The following CTNNBL1 variants were observed in gnomAD, a reference collection of about 807,000 sequenced individuals.
CTNNBL1 encodes catenin beta like 1.
Under a neutral mutation model 72.7 loss-of-function variants are expected in CTNNBL1, and 31 were observed. That is an observed-to-expected ratio of 0.43 (90% CI 0.32 to 0.58). The LOEUF (loss-of-function observed/expected upper bound fraction) is 0.58. CTNNBL1 is among the 20% of genes least tolerant of loss of function. The pLI is 0.08. For synonymous variants in CTNNBL1, 240 were observed against 267.3 expected (o/e 0.90, Z 1.00); for missense variants, 534 against 725.1 (o/e 0.74, Z 3.03).
chr20:37,753,978 T>G, intron 4 of CTNNBL1, among the ~76,000 whole-genome samples: 1 of 152,208 alleles, frequency 6.6e-6, no homozygotes, highest in Non-Finnish European at 1.5e-5. Context: ...ATAAAGGGGC[T>G]TGCACAAGAT....
In CTNNBL1 at chr20:37,732,924, C is replaced by T; in HGVS notation, c.76C>T (p.Gln26Ter). The T allele has an allele frequency of 6.2e-7, 1 of 1,613,948 alleles. No individual in the cohort carries two copies. The highest frequency in any genetic ancestry group is 2.2e-5 in the East Asian group (1 of 44,882). Residue 26 changes from glutamine to a stop codon, truncating the protein, a stop_gained, in exon 2 of 16, where the codon CAG (glutamine) becomes TAG (stop). Transcript: ENST00000361383. LOFTEE classifies it high-confidence loss of function. ...TCCCCGGGATGATGAAGAGGAGGAG[C>T]AGAAGATGCGTCGGAAACAAACTGG... ...KRPRDDEEEE[Q>*]KMRRKQTGTR...
intron 1 of CTNNBL1, among the ~76,000 whole-genome samples, chr20:37,707,928 GGAGA>G (rs35821167): frequency 1.8e-4 from 27 of 150,640 alleles, no homozygotes; most frequent in African/African-American, 3.9e-4. Context: ...GGAGACCTGA[GGAGA>G]GAGAGAGAGA....
intron 15 of CTNNBL1, among the ~76,000 whole-genome samples, chr20:37,866,067 C>T (rs1025754462): frequency 3.3e-5 from 5 of 152,180 alleles, no homozygotes; most frequent in African/African-American, 9.7e-5. Context: ...GCGTGGCTTG[C>T]GCCTGGTCAT....
In CTNNBL1 at chr20:37,860,325, T is replaced by C; in HGVS notation, c.1584T>C (p.Ile528=). 6.2e-7 allele frequency: 1 copy of C among 1,614,024 alleles called. No individual in the cohort carries two copies. Among genetic ancestry groups the C allele is most frequent in the South Asian group, 1.1e-5 (1 of 91,078 alleles). Reference sequence around the variant, plus strand: ...ACATGCGAGGAAGCTCCATCAAAATTGTCAGGCATATCATCAAGGGTGAGT... The same window carrying C: ...ACATGCGAGGAAGCTCCATCAAAATCGTCAGGCATATCATCAAGGGTGAGT... ...ILNMRGSSIK[I]VRHIIKEYAE... is the part of the protein sequence containing the mutation. The change falls in exon 15 of 16, where the codon ATT becomes ATC. Residue 528 remains isoleucine, a synonymous_variant. Transcript: ENST00000361383.
At chr20:37,782,212 C>T (rs1823866266) in intron 10 of CTNNBL1, among the ~76,000 whole-genome samples, 1 of 152,262 alleles carries the variant, frequency 6.6e-6, no homozygotes. Flanking sequence ...GTGAGGGATG[C>T]ACACATTAAA....
intron 11 of CTNNBL1, among the ~76,000 whole-genome samples, chr20:37,827,613 CAGA>C (rs1201138691): frequency 2.0e-5 from 3 of 152,284 alleles, no homozygotes; most frequent in South Asian, 4.1e-4. Context: ...GGATTCTTTC[CAGA>C]AGATCATTAA....
intron 4 of CTNNBL1, chr20:37,756,421 T>TCC (rs1408249340): frequency 3.3e-5 from 5 of 151,048 alleles, no homozygotes; most frequent in East Asian, 2.0e-4. Context: ...TCTCTCTCTC[T>TCC]CCCCCGTTGT....
At chr20:37,733,222 T>C (rs1216474352) in intron 2 of CTNNBL1, among the ~76,000 whole-genome samples, 155 bp downstream of exon 2, 1 of 152,130 alleles carries the variant, frequency 6.6e-6, no homozygotes, top group East Asian at 1.9e-4. Context: ...TTAAGTGGGC[T>C]AGTGCAGTTG....
intron 10 of CTNNBL1, among the ~76,000 whole-genome samples, chr20:37,797,585 A>G (rs1343539814): frequency 6.6e-6 from 1 of 152,178 alleles, no homozygotes; most frequent in East Asian, 1.9e-4. Context: ...GGCTTCAGAC[A>G]TAAAAGTTCA....
chr20:37,853,143 A>G (rs1293764272), intron 13 of CTNNBL1, among the ~76,000 whole-genome samples: 2 of 152,150 alleles, frequency 1.3e-5, no homozygotes, highest in Non-Finnish European at 2.9e-5. Context: ...CCATGTGCTA[A>G]GGAGGTTGGG....
chr20:37,765,482 A>G (rs190928177), intron 6 of CTNNBL1, among the ~76,000 whole-genome samples, 192 bp downstream of exon 6: 32 of 152,338 alleles, frequency 2.1e-4, no homozygotes, highest in Non-Finnish European at 3.1e-4. Flanking sequence ...TTTGGCTTGT[A>G]GGTAATGAAA....
chr20:37,701,538 A>G (rs1018878750), intron 1 of CTNNBL1, among the ~76,000 whole-genome samples: 1 of 152,214 alleles, frequency 6.6e-6, no homozygotes, highest in Non-Finnish European at 1.5e-5. Flanking sequence ...ACGGTTGGAT[A>G]TGGAAAGGGG....
chr20:37,804,211 C>T (rs530857941), intron 11 of CTNNBL1, among the ~76,000 whole-genome samples: 1 of 152,150 alleles, frequency 6.6e-6, no homozygotes, highest in Non-Finnish European at 1.5e-5. Flanking sequence ...ATATGTTAAC[C>T]CCGTGCTAGA....
chr20:37,704,224 T>A (rs527578416), intron 1 of CTNNBL1, among the ~76,000 whole-genome samples: 2 of 152,198 alleles, frequency 1.3e-5, no homozygotes, highest in Non-Finnish European at 2.9e-5. Flanking sequence ...TACCCCAGAT[T>A]TGAAATCCAA....
chr20:37,842,105 G>A (rs746001395), intron 12 of CTNNBL1: 16 of 439,540 alleles, frequency 3.6e-5, no homozygotes, highest in Admixed American at 1.6e-4. Context: ...GCCTCCTTTC[G>A]GGAATGGGCC....
At chr20:37,700,889 T>C (rs1303017183) in intron 1 of CTNNBL1, among the ~76,000 whole-genome samples, 1 of 152,256 alleles carries the variant, frequency 6.6e-6, no homozygotes, top group African/African-American at 2.4e-5. Flanking sequence ...TCTTGTCCTC[T>C]ATCAGTAATA....
chr20:37,773,909 CTTTTTTTT>C (rs1176688817), intron 7 of CTNNBL1, among the ~76,000 whole-genome samples: 4 of 104,644 alleles, frequency 3.8e-5, no homozygotes, highest in Non-Finnish European at 7.5e-5. Flanking sequence ...TTCTTTCTCT[CTTTTTTTT>C]TTTTTTTTTT....
chr20:37,824,386 T>A (rs2072139386), intron 11 of CTNNBL1, among the ~76,000 whole-genome samples: 2 of 152,242 alleles, frequency 1.3e-5, no homozygotes, highest in African/African-American at 4.8e-5. Context: ...CACTAGGACC[T>A]TCCTCACTGG....
intron 1 of CTNNBL1, among the ~76,000 whole-genome samples, chr20:37,718,102 C>G (rs1325777405): frequency 6.6e-6 from 1 of 152,140 alleles, no homozygotes; most frequent in Non-Finnish European, 1.5e-5. Flanking sequence ...CATCATGGCC[C>G]GCTCTCAATG....
Sources: gnomAD v4.1 joint callset for allele counts (sites outside exome capture counted in the v4.1 genomes callset) on GRCh38, gnomAD v4.1.1 for gene constraint, MANE v1.5 for transcripts, NCBI Gene and HGNC (gene_info 2026-07-23, HGNC 2026-07-21) for gene names.